Variants in GRAMD1B observed in about 807,000 individuals in gnomAD.
The protein encoded by GRAMD1B is protein Aster-B.
A neutral mutation model predicts 99.7 loss-of-function variants in GRAMD1B; 37 were observed. The ratio of observed to expected loss-of-function variants is 0.37; its 90% CI spans 0.29 to 0.49. The LOEUF (loss-of-function observed/expected upper bound fraction) is 0.49, where lower values mean the gene tolerates loss of function less well. GRAMD1B is among the 20% of genes least tolerant of loss of function. The pLI is 0.98. For missense variants in GRAMD1B, 888 were observed against 1,009.2 expected (o/e 0.88, Z 1.63); for synonymous variants, 427 against 387.6 (o/e 1.10, Z -1.19).
chr11:123,538,767 G>T (rs2508964), intron 2 of GRAMD1B, among the ~76,000 whole-genome samples: 58,314 of 151,474 alleles, frequency 0.38, 12,804 homozygotes, highest in South Asian at 0.52. Context: ...CTACAGGCAC[G>T]CATCACCACA....
chr11:123,412,268 TAAAC>T (rs1218417554), intron 1 of GRAMD1B, among the ~76,000 whole-genome samples: 3 of 152,262 alleles, frequency 2.0e-5, no homozygotes, highest in African/African-American at 7.2e-5. Flanking sequence ...TTCACTTAAA[TAAAC>T]ATTTTCTCTT....
At chr11:123,385,336 A>G (rs749915238) in intron 1 of GRAMD1B, among the ~76,000 whole-genome samples, 2 of 151,914 alleles carry the variant, frequency 1.3e-5, no homozygotes, top group Non-Finnish European at 2.9e-5. Flanking sequence ...CTAATCAATC[A>G]TCCTCATTGT....
At chr11:123,555,390 C>T (rs998575058) in intron 2 of GRAMD1B, among the ~76,000 whole-genome samples, 9 of 152,094 alleles carry the variant, frequency 5.9e-5, no homozygotes, top group African/African-American at 1.9e-4. Flanking sequence ...ACTCTGTCAC[C>T]GAGGCTGGGG....
At chr11:123,458,335 C>T (rs1950253445) in intron 1 of GRAMD1B, 1 of 152,258 alleles carries the variant, frequency 6.6e-6, no homozygotes, top group Non-Finnish European at 1.5e-5. Context: ...TATAATCCAA[C>T]TCTGGCAGTT....
At chr11:123,534,295 A>C (rs1943720064) in intron 2 of GRAMD1B, among the ~76,000 whole-genome samples, 1 of 152,226 alleles carries the variant, frequency 6.6e-6, no homozygotes, top group African/African-American at 2.4e-5. Flanking sequence ...AAAGGCCTTC[A>C]TCCTTATTGT....
chr11:123,597,073 C>T (rs1951359082), intron 7 of GRAMD1B, among the ~76,000 whole-genome samples: 1 of 151,714 alleles, frequency 6.6e-6, no homozygotes. Flanking sequence ...GAAGTGACTG[C>T]TGGTCCTAGT....
At chr11:123,573,669 G>A (rs956562728) in intron 2 of GRAMD1B, among the ~76,000 whole-genome samples, 2 of 152,138 alleles carry the variant, frequency 1.3e-5, no homozygotes, top group African/African-American at 4.8e-5. Flanking sequence ...TAATAATACT[G>A]TTCTTTGCAA....
chr11:123,466,316 GAGAA>G (rs145728083), intron 1 of GRAMD1B, among the ~76,000 whole-genome samples: 33,966 of 136,100 alleles, frequency 0.25, 4,324 homozygotes, highest in Admixed American at 0.35. Context: ...GAGAGAGAAA[GAGAA>G]AGAAAGAAAG....
At chr11:123,564,497 C>G (rs1447250065) in intron 2 of GRAMD1B, among the ~76,000 whole-genome samples, 1 of 152,262 alleles carries the variant, frequency 6.6e-6, no homozygotes, top group Non-Finnish European at 1.5e-5. Flanking sequence ...GGCCACCTAA[C>G]TCCTGGGGGC....
intron 4 of GRAMD1B, among the ~76,000 whole-genome samples, chr11:123,585,626 A>G (rs1949990935): frequency 6.6e-6 from 1 of 152,160 alleles, no homozygotes; most frequent in South Asian, 2.1e-4. Context: ...CTGTGGCGTC[A>G]GAAGAGGGGA....
intron 2 of GRAMD1B, among the ~76,000 whole-genome samples, chr11:123,519,045 G>A (rs1845918271): frequency 6.6e-6 from 1 of 152,178 alleles, no homozygotes; most frequent in African/African-American, 2.4e-5. Flanking sequence ...CTGCCCCCAA[G>A]CCTGCCACCC....
chr11:123,595,448 C>T (rs1179751743), intron 6 of GRAMD1B, among the ~76,000 whole-genome samples: 5 of 152,064 alleles, frequency 3.3e-5, no homozygotes, highest in African/African-American at 4.8e-5. Flanking sequence ...CATGCGCCAC[C>T]ACGCCCGCTA....
At chr11:123,612,687 C>T in intron 14 of GRAMD1B, 74 bp from the exon 15 acceptor site, 1 of 824,080 alleles carries the variant, frequency 1.2e-6, no homozygotes, top group Non-Finnish European at 2.1e-6. Context: ...GGCCTTAACT[C>T]CGAATTTCCC....
intron 2 of GRAMD1B, among the ~76,000 whole-genome samples, chr11:123,493,350 A>G (rs962297338): frequency 2.6e-5 from 4 of 152,238 alleles, no homozygotes; most frequent in African/African-American, 7.2e-5. Context: ...AGTAAGTGGC[A>G]GCTTGTGTCA....
Position 123,374,593 on chromosome 11 carries a change from C to T in GRAMD1B, c.-176+15794C>T, listed in dbSNP as rs182460790. On this transcript the variant is annotated intron_variant, in intron 1 of 20. Transcript: ENST00000638157. Reference sequence around the variant, plus strand: ...CTGACCCTACAGGCATTATAGCCTTCGAGTTTTATTTTGATAACAGCCTCC... The same window carrying T: ...CTGACCCTACAGGCATTATAGCCTTTGAGTTTTATTTTGATAACAGCCTCC... 7.9e-5 allele frequency among the ~76,000 whole-genome samples: 12 copies of T among 152,292 alleles called. No homozygotes were observed. The East Asian group carries it at 1.7e-3, about 22-fold the overall frequency.
Position 123,453,966 on chromosome 11 carries a change from G to A in GRAMD1B, c.374+22800G>A, listed in dbSNP as rs190766571. Among the ~76,000 whole-genome samples, 53 of 152,318 alleles carry A rather than the reference G, an allele frequency of 3.5e-4. No individual in the cohort carries two copies. The East Asian group carries it at 6.2e-3, about 18-fold the overall frequency. ...AGGCTCTGTATCTTTGTAAAATCCC[G>A]TTGATAATGGCCCATGCCAACACTG... is the stretch of plus-strand genomic sequence containing the variant. On this transcript the variant is annotated intron_variant, in intron 1 of 19. Transcript: ENST00000635736.
chr11:123,541,271 A>G (rs1393321367), intron 2 of GRAMD1B, among the ~76,000 whole-genome samples: 1 of 152,150 alleles, frequency 6.6e-6, no homozygotes, highest in Admixed American at 6.5e-5. Context: ...CATTCTTTAG[A>G]TAGAAACCTA....
chr11:123,617,746 C>G (rs1954619690), intron 17 of GRAMD1B, among the ~76,000 whole-genome samples: 1 of 152,146 alleles, frequency 6.6e-6, no homozygotes, highest in Non-Finnish European at 1.5e-5. Flanking sequence ...TCTCTGGATC[C>G]TCTCTACCCA....
intron 1 of GRAMD1B, among the ~76,000 whole-genome samples, chr11:123,465,838 G>A (rs1041790552): frequency 1.3e-5 from 2 of 151,970 alleles, no homozygotes; most frequent in African/African-American, 4.8e-5. Context: ...AGAGGAAGTT[G>A]GGACATTGTA....
Sources: allele counts gnomAD v4.1 joint callset (sites outside exome capture counted in the v4.1 genomes callset), GRCh38; gene constraint gnomAD v4.1.1; transcripts MANE v1.5; gene names NCBI Gene and HGNC (gene_info 2026-07-23, HGNC 2026-07-21).